Variants in CDH23 observed in about 807,000 individuals in gnomAD.
CDH23 encodes cadherin related 23.
A neutral mutation model predicts 317.1 loss-of-function variants in CDH23; 189 were observed. The ratio of observed to expected loss-of-function variants is 0.60; its 90% CI spans 0.53 to 0.67. CDH23 has a LOEUF of 0.67. Among genes scored for constraint, CDH23 ranks in the 30% least tolerant of loss-of-function variants. The pLI is 0.00. For missense variants in CDH23, 4,401 were observed against 4,592.4 expected, an observed-to-expected ratio of 0.96 and a Z score of 1.20; for synonymous variants, 1,839 against 1,876.8, an observed-to-expected ratio of 0.98 and a Z score of 0.52.
At chr10:71,639,312 C>T (rs1862421840) in intron 11 of CDH23, among the ~76,000 whole-genome samples, 1 of 152,168 alleles carries the variant, frequency 6.6e-6, no homozygotes, top group African/African-American at 2.4e-5. Context: ...CCAGCCTCCT[C>T]CGCATCTCCA....
In CDH23 at chr10:71,423,160, A is replaced by G. The variant is rs182364707; in HGVS notation, c.-5-16667A>G. ...AGGGTCCTCCAGGAGTTTAAGGTCCAGTGAAAGAGACAGGCGTGTGCACAC... is the reference window on the plus strand; with the variant it reads ...AGGGTCCTCCAGGAGTTTAAGGTCCGGTGAAAGAGACAGGCGTGTGCACAC... On this transcript the variant is annotated intron_variant, in intron 1 of 69. Coordinates refer to ENST00000224721, the MANE Select transcript of CDH23 (RefSeq NM_022124.6). Among the ~76,000 whole-genome samples, 4 of 152,310 alleles carry G rather than the reference A, an allele frequency of 2.6e-5. No individual in the cohort carries two copies. The East Asian group carries it at 5.8e-4, about 22-fold the overall frequency.
intron 50 of CDH23, 35 bp downstream of exon 50, chr10:71,798,613 A>C (rs1466758865): frequency 1.3e-6 from 2 of 1,511,774 alleles, no homozygotes; most frequent in African/African-American, 2.8e-5. Context: ...GGGCTGGGGG[A>C]CATATATCTC....
intron 9 of CDH23, among the ~76,000 whole-genome samples, chr10:71,609,371 CT>C (rs1208616280): frequency 6.6e-6 from 1 of 152,024 alleles, no homozygotes; most frequent in African/African-American, 2.4e-5. Flanking sequence ...CGCCCTCTAG[CT>C]GCCACTCAGC....
intron 6 of CDH23, among the ~76,000 whole-genome samples, chr10:71,555,244 G>A (rs948269326): frequency 2.0e-5 from 3 of 152,168 alleles, no homozygotes; most frequent in African/African-American, 7.2e-5. Context: ...GTGGTACCTG[G>A]TACATGCTGC....
chr10:71,727,587 C>T lies in CDH23; in HGVS notation c.3579+2067C>T, dbSNP rs144208626. The stretch of plus-strand genomic sequence containing the variant: ...TCCTGCCTCAGAGACCGGGGACAGC[C>T]CCAGTGAGGGGCCGGGGAGTACAGA... On this transcript the variant is annotated intron_variant, in intron 30 of 69. Coordinates refer to ENST00000224721, the MANE Select transcript of CDH23 (RefSeq NM_022124.6). Among the ~76,000 whole-genome samples the T allele has an allele frequency of 2.3e-3, 348 of 152,274 alleles. 1 individual carries two copies. The highest frequency in any genetic ancestry group is 7.9e-3 in the African/African-American group (329 of 41,554).
At chr10:71,399,885 G>A (rs556764190) in intron 1 of CDH23, among the ~76,000 whole-genome samples, 5 of 152,122 alleles carry the variant, frequency 3.3e-5, no homozygotes, top group African/African-American at 9.6e-5. Flanking sequence ...CGCCTGAGAC[G>A]GAGACTAGAT....
intron 3 of CDH23, among the ~76,000 whole-genome samples, chr10:71,459,201 T>C (rs10999823): frequency 0.41 from 58,778 of 144,064 alleles, 12,456 homozygotes; most frequent in East Asian, 0.61. Context: ...GATCCTCCCA[T>C]CTCAGCCTCC....
At chr10:71,592,636 A>G (rs531897282) in intron 9 of CDH23, among the ~76,000 whole-genome samples, 1 of 152,176 alleles carries the variant, frequency 6.6e-6, no homozygotes, top group South Asian at 2.1e-4. Flanking sequence ...GACCCTTGTG[A>G]TTACATTTAG....
chr10:71,779,322 A>C lies in CDH23; in HGVS notation c.5243A>C (p.Tyr1748Ser). ...NDNVPTFPRD[Y>S]EGPFEVTEGQ... ...AATGTGCCTACCTTCCCCCGGGACT[A>C]TGAGGGACCATTTGAAGTCACTGAG... The change falls in exon 41 of 70, where the codon TAT (tyrosine) becomes TCT (serine). Residue 1748 changes from tyrosine (Y) to serine (S), a missense_variant. This residue lies in a region of CDH23 where 3,068 missense variants were observed against 3,203.3 expected (regional missense o/e 0.96). Transcript: ENST00000224721. 1 of 1,614,022 alleles carries C rather than the reference A, an allele frequency of 6.2e-7. No homozygotes were observed. Among genetic ancestry groups the C allele is most frequent in the East Asian group, 2.2e-5 (1 of 44,878 alleles).
chr10:71,707,375 GC>G, intron 26 of CDH23: 1 of 1,362,740 alleles, frequency 7.3e-7, no homozygotes, highest in South Asian at 1.9e-5. Context: ...CCCACTCCCC[GC>G]CCCAAGTCTG....
rs1239662711 is a variant in CDH23 at position 71,800,530 on chromosome 10, T to G, written c.7363-106T>G. ...GGGGCAGAGGTTATTGTCTCTTTTG[T>G]TCAGTGTCAAATCTCCAGAGCCCAT... On this transcript the variant is annotated intron_variant, in intron 52 of 69. Transcript: ENST00000224721. 4 of 1,316,134 alleles carry G rather than the reference T, an allele frequency of 3.0e-6. No individual in the cohort carries two copies. The African/African-American group carries it at 4.4e-5, about 14-fold the overall frequency. The allele number at this position is 1,316,134 out of a possible 1,614,324, so 81.5% of individuals were successfully genotyped here. A position where few individuals can be genotyped will look rare whatever the true frequency, so the allele number is the denominator to read the frequency against.
At chr10:71,484,761 T>C (rs1055376976) in intron 3 of CDH23, among the ~76,000 whole-genome samples, 1 of 152,230 alleles carries the variant, frequency 6.6e-6, no homozygotes, top group Non-Finnish European at 1.5e-5. Flanking sequence ...TGTAGGTTTT[T>C]GGTATATACA....
intron 6 of CDH23, among the ~76,000 whole-genome samples, chr10:71,554,492 C>G (rs911695014): frequency 2.0e-5 from 3 of 151,992 alleles, no homozygotes; most frequent in Non-Finnish European, 4.4e-5. Flanking sequence ...AAAAAAAATT[C>G]CAGGAGACTC....
intron 48 of CDH23, chr10:71,795,590 T>A: frequency 6.2e-6 from 1 of 160,656 alleles, no homozygotes; most frequent in Middle Eastern, 3.0e-3. Flanking sequence ...CTTTGCTACC[T>A]TTTCTTCTTG....
intron 9 of CDH23, among the ~76,000 whole-genome samples, chr10:71,585,344 C>A (rs1470988592): frequency 6.6e-6 from 1 of 152,168 alleles, no homozygotes; most frequent in Non-Finnish European, 1.5e-5. Flanking sequence ...TACCAAAACA[C>A]CCCATTCTTC....
chr10:71,685,619 C>T (rs868014340), intron 18 of CDH23, among the ~76,000 whole-genome samples: 1 of 152,214 alleles, frequency 6.6e-6, no homozygotes, highest in Admixed American at 6.5e-5. Flanking sequence ...AGAAGAGGCC[C>T]CATTTTCAAA....
At chr10:71,482,372 C>T (rs560749856) in intron 3 of CDH23, among the ~76,000 whole-genome samples, 195 of 151,404 alleles carry the variant, frequency 1.3e-3, no homozygotes, top group African/African-American at 4.6e-3. Context: ...TGCAGGTCTA[C>T]CCCTCCCCAC....
At position 71,811,536 on chromosome 10, in the gene CDH23, T is replaced by C; in HGVS notation, c.9224T>C (p.Leu3075Pro). The C allele has an allele frequency of 6.2e-7, 1 of 1,613,928 alleles. No homozygotes were observed. The highest frequency in any genetic ancestry group is 8.5e-7 in the Non-Finnish European group (1 of 1,179,888). ...LQMAIIVLAI[L>P]LFLAAMLFVL... is the part of the protein sequence containing the mutation. ...ATGGCGATCATCGTCCTGGCTATCC[T>C]CCTGTTCCTGGCCGCCATGCTCTTT... Residue 3075 changes from leucine (L) to proline (P), a missense_variant, in exon 64 of 70, where the codon CTC (leucine) becomes CCC (proline). Leu to Pro is a moderately conservative substitution (Grantham distance 98). This residue lies in a region of CDH23 where 1,144 missense variants were observed against 1,138.2 expected (regional missense o/e 1.01). Coordinates refer to ENST00000224721, the MANE Select transcript of CDH23 (RefSeq NM_022124.6).
intron 27 of CDH23, among the ~76,000 whole-genome samples, chr10:71,710,082 CAT>C (rs1203008363): frequency 6.6e-6 from 1 of 152,196 alleles, no homozygotes; most frequent in Non-Finnish European, 1.5e-5. Context: ...CCTCCCACAA[CAT>C]GTGGAAATTA....
Sources: allele counts gnomAD v4.1 joint callset (sites outside exome capture counted in the v4.1 genomes callset), GRCh38; gene constraint gnomAD v4.1.1; regional missense constraint gnomAD v4.1.1; transcripts MANE v1.5; gene names NCBI Gene and HGNC (gene_info 2026-07-23, HGNC 2026-07-21).